Variants in PTGER3 observed in about 807,000 individuals in gnomAD.
PTGER3 encodes the protein prostaglandin E2 receptor EP3 subtype.
PTGER3 carries 22 observed loss-of-function variants against 34.7 expected under a neutral mutation model. The observed-to-expected ratio is 0.63, with a 90% CI of 0.45 to 0.91. PTGER3 has a LOEUF of 0.91. Ranked by LOEUF, PTGER3 falls within the 40% of genes least tolerant of loss-of-function variation. PTGER3 has a pLI of 0.00. For synonymous variants in PTGER3, 241 were observed against 230.1 expected (o/e 1.05, Z -0.43); for missense variants, 468 against 519.4 (o/e 0.90, Z 0.96).
intron 4 of PTGER3, chr1:70,865,924 C>T: frequency 1.4e-6 from 1 of 724,450 alleles, no homozygotes; most frequent in Middle Eastern, 3.5e-4. Context: ...CACACCTTTC[C>T]TGGACTGTCA....
intron 2 of PTGER3, among the ~76,000 whole-genome samples, chr1:70,955,655 G>A (rs573464903): frequency 6.6e-6 from 1 of 152,194 alleles, no homozygotes; most frequent in Admixed American, 6.5e-5. Flanking sequence ...TATCCATCCT[G>A]CCCTTGTCCT....
chr1:70,864,369 C>T (rs1412278289), intron 4 of PTGER3, among the ~76,000 whole-genome samples: 1 of 152,154 alleles, frequency 6.6e-6, no homozygotes, highest in Non-Finnish European at 1.5e-5. Context: ...GCAGTTATCT[C>T]TAGCAATTAG....
In PTGER3 at chr1:71,046,869, G is replaced by A; in HGVS notation, c.709C>T (p.Leu237=). 1 of 1,613,952 alleles carries A rather than the reference G, an allele frequency of 6.2e-7. No individual in the cohort carries two copies. Among genetic ancestry groups the A allele is most frequent in the Non-Finnish European group, 8.5e-7 (1 of 1,179,986 alleles). ...NLFFASAFAF[L]GLLALTVTFS... ...GTGACTGTCAGCGCCAAGAGCCCCA[G>A]GAAGGCAAAGGCAGAGGCGAAGAAA... The change falls in exon 1 of 4, where the codon CTG becomes TTG. Residue 237 remains leucine, a synonymous_variant. Coordinates refer to ENST00000306666, the MANE Select transcript of PTGER3 (RefSeq NM_198719.2).
intron 1 of PTGER3, among the ~76,000 whole-genome samples, chr1:71,013,702 CAAAA>C (rs111381892): frequency 3.8e-5 from 4 of 105,594 alleles, no homozygotes; most frequent in Non-Finnish European, 6.0e-5. Context: ...AACTCTGTCT[CAAAA>C]AAAAAAAAAA....
At chr1:71,030,955 T>C (rs1056479051) in intron 1 of PTGER3, among the ~76,000 whole-genome samples, 1 of 152,128 alleles carries the variant, frequency 6.6e-6, no homozygotes, top group African/African-American at 2.4e-5. Flanking sequence ...AGCATTATAG[T>C]GTACAAAAGC....
At chr1:70,939,770 AG>A (rs145443998) in intron 4 of PTGER3, among the ~76,000 whole-genome samples, 1 of 152,146 alleles carries the variant, frequency 6.6e-6, no homozygotes, top group African/African-American at 2.4e-5. Context: ...CACACAACAC[AG>A]GGACTGTGGG....
At chr1:70,891,004 T>G (rs1646605110) in intron 4 of PTGER3, among the ~76,000 whole-genome samples, 1 of 152,230 alleles carries the variant, frequency 6.6e-6, no homozygotes, top group Admixed American at 6.5e-5. Context: ...ACCTGATTCT[T>G]GAGTGCAGTT....
chr1:70,924,187 G>T (rs1647829085), intron 4 of PTGER3, among the ~76,000 whole-genome samples: 1 of 152,002 alleles, frequency 6.6e-6, no homozygotes, highest in African/African-American at 2.4e-5. Context: ...ATTTATCTAA[G>T]ATTTTTTCTA....
At chr1:70,881,983 G>A (rs919015908) in intron 4 of PTGER3, among the ~76,000 whole-genome samples, 2 of 152,164 alleles carry the variant, frequency 1.3e-5, no homozygotes, top group African/African-American at 4.8e-5. Flanking sequence ...GTGTTTCCAG[G>A]GCAACAGGAA....
rs1166049830 is a variant in PTGER3 at position 71,047,022 on chromosome 1, G to C, written c.556C>G (p.Leu186Val). Reference sequence around the variant, plus strand: ...AGCACCGGCAGCAGGGCGAAGGCGAGCACGGCCAGCCACACGCCGAGCAGC... The same window carrying C: ...AGCACCGGCAGCAGGGCGAAGGCGACCACGGCCAGCCACACGCCGAGCAGC... ...AVLLGVWLAV[L>V]AFALLPVLGV... The change falls in exon 1 of 4, where the codon CTC (leucine) becomes GTC (valine). Residue 186 changes from leucine (L) to valine (V), a missense_variant. Physicochemically the swap from Leu to Val is conservative, Grantham distance 32 (BLOSUM62 1). Around this residue, in one of 5 missense-constraint regions of PTGER3, gnomAD observed 204 missense variants for 230.8 expected, o/e 0.88. Coordinates refer to ENST00000306666, the MANE Select transcript of PTGER3 (RefSeq NM_198719.2). 1.2e-6 allele frequency: 2 copies of C among 1,610,640 alleles called. No homozygotes were observed. Among genetic ancestry groups the C allele is most frequent in the East Asian group, 4.5e-5 (2 of 44,826 alleles).
At chr1:71,023,018 T>G (rs1312516584) in intron 1 of PTGER3, among the ~76,000 whole-genome samples, 1 of 151,864 alleles carries the variant, frequency 6.6e-6, no homozygotes, top group East Asian at 1.9e-4. Context: ...GTCCAAATTT[T>G]TGCCACCTTG....
At chr1:70,881,426 C>G (rs975880220) in intron 4 of PTGER3, among the ~76,000 whole-genome samples, 9 of 152,158 alleles carry the variant, frequency 5.9e-5, no homozygotes, top group African/African-American at 1.9e-4. Flanking sequence ...GTCATTGCAG[C>G]CAGGTTAACA....
intron 4 of PTGER3, among the ~76,000 whole-genome samples, chr1:70,935,681 A>ATATC (rs1317230745): frequency 6.7e-6 from 1 of 148,584 alleles, no homozygotes; most frequent in Non-Finnish European, 1.5e-5. Flanking sequence ...AAATATATAT[A>ATATC]TATATATATA....
intron 4 of PTGER3, among the ~76,000 whole-genome samples, chr1:70,874,946 T>G (rs1351422425): frequency 6.6e-6 from 1 of 152,176 alleles, no homozygotes; most frequent in Non-Finnish European, 1.5e-5. Context: ...CAGCTCTCCT[T>G]TGGGTTTTCT....
At chr1:71,001,200 TAAGAA>T (rs889036382) in intron 2 of PTGER3, among the ~76,000 whole-genome samples, 31 of 123,456 alleles carry the variant, frequency 2.5e-4, no homozygotes, top group African/African-American at 8.9e-4. Flanking sequence ...TGAAAAAACT[TAAGAA>T]AAGAAATACA....
At chr1:70,876,016 G>A (rs1214108965) in intron 4 of PTGER3, among the ~76,000 whole-genome samples, 2 of 152,126 alleles carry the variant, frequency 1.3e-5, no homozygotes, top group Non-Finnish European at 2.9e-5. Flanking sequence ...AATCACTGCA[G>A]TGCTTTCCAC....
At chr1:70,869,021 C>T (rs1485648213) in intron 4 of PTGER3, among the ~76,000 whole-genome samples, 1 of 152,122 alleles carries the variant, frequency 6.6e-6, no homozygotes, top group Non-Finnish European at 1.5e-5. Flanking sequence ...CCTGCCGAAC[C>T]ATGAGCCAAT....
chr1:71,020,827 C>A (rs1358208351), intron 1 of PTGER3, among the ~76,000 whole-genome samples: 1 of 151,926 alleles, frequency 6.6e-6, no homozygotes, highest in Non-Finnish European at 1.5e-5. Context: ...TGACTCAATT[C>A]TGCTTCTAGT....
At chr1:71,012,814 C>T (rs945140143) in intron 1 of PTGER3, among the ~76,000 whole-genome samples, 2 of 152,142 alleles carry the variant, frequency 1.3e-5, no homozygotes, top group African/African-American at 4.8e-5. Flanking sequence ...CACAAGTTCA[C>T]CCAAATGAGA....
Sources: allele counts gnomAD v4.1 joint callset (sites outside exome capture counted in the v4.1 genomes callset), GRCh38; gene constraint gnomAD v4.1.1; regional missense constraint gnomAD v4.1.1; transcripts MANE v1.5; gene names NCBI Gene and HGNC (gene_info 2026-07-23, HGNC 2026-07-21).